MEGF10: variants seen among roughly 807,000 people sequenced by gnomAD.
MEGF10 encodes the protein multiple EGF like domains 10, also known as multiple epidermal growth factor-like domains protein 10.
A neutral mutation model predicts 147.5 loss-of-function variants in MEGF10; 86 were observed. That is an observed-to-expected ratio of 0.58 (90% CI 0.49 to 0.70). MEGF10 has a LOEUF of 0.70. Ranked by LOEUF, MEGF10 falls within the 30% of genes least tolerant of loss-of-function variation. MEGF10 has a pLI of 0.00. For missense variants in MEGF10, 1,329 were observed against 1,487.3 expected (o/e 0.89, Z 1.75); for synonymous variants, 478 against 525.5 (o/e 0.91, Z 1.24).
At position 127,395,536 on chromosome 5, in the gene MEGF10, CTTTTTTTTT is replaced by C. The variant is rs35926205; in HGVS notation, c.413-978_413-970del. ...CAAACACAGATGTTTTGACTGATAT[CTTTTTTTTT>C]TTTTTTTTTTTTTTTTTGAGACGGA... On this transcript the variant is annotated intron_variant, in intron 5 of 24. Coordinates refer to ENST00000503335, the MANE Select transcript of MEGF10 (RefSeq NM_001256545.2). 3.7e-3 allele frequency among the ~76,000 whole-genome samples: 240 copies of C among 65,638 alleles called. 4 individuals are homozygous for C. The highest frequency in any genetic ancestry group is 0.014 in the African/African-American group (223 of 16,066). 43.1% of individuals were successfully genotyped at this position (65,638 alleles called of 152,430 possible).
At position 127,422,864 on chromosome 5, in the gene MEGF10, C is replaced by A; in HGVS notation, c.1693+92C>A. On this transcript the variant is annotated intron_variant, in intron 13 of 24. Coordinates refer to ENST00000503335, the MANE Select transcript of MEGF10 (RefSeq NM_001256545.2). ...TCACTTCACAGAAACACACACCAGT[C>A]AACTTTTCAAAAAAAATGAAAATTC... 6 of 902,656 alleles carry A rather than the reference C, an allele frequency of 6.6e-6. No individual in the cohort carries two copies. The Admixed American group carries it at 7.3e-5, about 11-fold the overall frequency. 55.9% of individuals were successfully genotyped at this position (902,656 alleles called of 1,614,324 possible).
chr5:127,373,434 G>A (rs1580779658), intron 5 of MEGF10, among the ~76,000 whole-genome samples: 1 of 152,200 alleles, frequency 6.6e-6, no homozygotes. Context: ...TTACAGGTGT[G>A]AGCCACTGCG....
intron 1 of MEGF10, among the ~76,000 whole-genome samples, chr5:127,316,535 A>G (rs1008498679): frequency 6.6e-6 from 1 of 152,172 alleles, no homozygotes; most frequent in African/African-American, 2.4e-5. Flanking sequence ...TATTGCAATC[A>G]TTTTGTTTCA....
Position 127,447,668 on chromosome 5 carries a change from G to C in MEGF10, c.2840G>C (p.Arg947Thr). The C allele has an allele frequency of 6.2e-7, 1 of 1,614,134 alleles. No homozygotes were observed. The highest frequency in any genetic ancestry group is 8.5e-7 in the Non-Finnish European group (1 of 1,179,986). The change falls in exon 21 of 25, where the codon AGG becomes ACG. Residue 947 changes from arginine (R) to threonine (T), a missense_variant. Arg to Thr is a moderately conservative substitution (Grantham distance 71). Transcript: ENST00000503335. ...TCCCCTCACGTCAACAACAGGGACA[G>C]GATGACTGTCACGAAGGTGAGAGGA... ...ATSPHVNNRD[R>T]MTVTKSKNNQ... is the part of the protein sequence containing the mutation.
intron 1 of MEGF10, among the ~76,000 whole-genome samples, chr5:127,292,303 A>G (rs1759294737): frequency 6.6e-6 from 1 of 152,234 alleles, no homozygotes; most frequent in African/African-American, 2.4e-5. Context: ...CCACATATGT[A>G]AAATCAAAAT....
chr5:127,333,532 A>T (rs1035608239), intron 2 of MEGF10, among the ~76,000 whole-genome samples: 2 of 152,008 alleles, frequency 1.3e-5, no homozygotes, highest in African/African-American at 4.8e-5. Flanking sequence ...AAATAAAAAT[A>T]AAAAAAGAGA....
the MEGF10 span, among the ~76,000 whole-genome samples, chr5:127,248,934 A>G: frequency 2.0e-5 from 3 of 151,924 alleles, no homozygotes; most frequent in South Asian, 6.2e-4. Flanking sequence ...GTAAACTGAA[A>G]CTATTTGTCC....
At chr5:127,254,913 T>C in the MEGF10 span, among the ~76,000 whole-genome samples, 6 of 151,318 alleles carry the variant, frequency 4.0e-5, no homozygotes, top group Admixed American at 2.6e-4. Flanking sequence ...GAGACAGTGG[T>C]ATTGCAGTAG....
chr5:127,393,123 C>T (rs1452211491), intron 5 of MEGF10, among the ~76,000 whole-genome samples: 2 of 152,168 alleles, frequency 1.3e-5, no homozygotes, highest in Non-Finnish European at 2.9e-5. Flanking sequence ...TATATATTTT[C>T]TAAGTTGTTA....
chr5:127,411,201 G>A (rs1277806307), intron 9 of MEGF10, among the ~76,000 whole-genome samples: 1 of 152,112 alleles, frequency 6.6e-6, no homozygotes, highest in East Asian at 1.9e-4. Flanking sequence ...AGGAAACCAC[G>A]ATCCTACCCA....
At chr5:127,319,553 A>G (rs536854139) in intron 1 of MEGF10, among the ~76,000 whole-genome samples, 2 of 152,352 alleles carry the variant, frequency 1.3e-5, no homozygotes, top group South Asian at 4.1e-4. Flanking sequence ...TGAGGAAATT[A>G]GGAGATGTCA....
At chr5:127,376,466 A>G (rs947469439) in intron 5 of MEGF10, among the ~76,000 whole-genome samples, 2 of 152,166 alleles carry the variant, frequency 1.3e-5, no homozygotes, top group African/African-American at 4.8e-5. Flanking sequence ...CATTCCCAAT[A>G]GAATGAGGAA....
At chr5:127,274,019 G>C in the MEGF10 span, among the ~76,000 whole-genome samples, 1 of 152,148 alleles carries the variant, frequency 6.6e-6, no homozygotes, top group African/African-American at 2.4e-5. Flanking sequence ...CATCATTGTA[G>C]AAAATTCCAC....
chr5:127,297,806 A>T (rs965377022), intron 1 of MEGF10, among the ~76,000 whole-genome samples: 2 of 152,070 alleles, frequency 1.3e-5, no homozygotes, highest in African/African-American at 4.8e-5. Flanking sequence ...GATTAGGGGG[A>T]CCTATTGAGA....
intron 20 of MEGF10, among the ~76,000 whole-genome samples, chr5:127,446,891 A>G (rs1378647173): frequency 6.6e-6 from 1 of 152,164 alleles, no homozygotes; most frequent in Non-Finnish European, 1.5e-5. Context: ...CCAAAGATAA[A>G]AAGCTGGGTT....
At chr5:127,277,702 G>A in the MEGF10 span, among the ~76,000 whole-genome samples, 1 of 152,192 alleles carries the variant, frequency 6.6e-6, no homozygotes, top group South Asian at 2.1e-4. Context: ...TAATTCAGGG[G>A]TAATGATGAA....
upstream of MEGF10, among the ~76,000 whole-genome samples, chr5:127,286,576 A>G (rs577294557): frequency 6.6e-6 from 1 of 152,140 alleles, no homozygotes; most frequent in East Asian, 1.9e-4. Flanking sequence ...ACATGGTTAC[A>G]GTAATTATTA....
the MEGF10 span, among the ~76,000 whole-genome samples, chr5:127,247,302 G>C: frequency 6.2e-5 from 6 of 96,452 alleles, no homozygotes; most frequent in Non-Finnish European, 1.3e-4. Context: ...GGGGGAGAGA[G>C]AGCGAGAGAA....
chr5:127,272,692 T>C, the MEGF10 span, among the ~76,000 whole-genome samples: 2,512 of 152,302 alleles, frequency 0.016, 59 homozygotes, highest in East Asian at 0.086. Flanking sequence ...TTGTGGCAAT[T>C]GTGAATGGAA....
Sources: gnomAD v4.1 joint callset for allele counts (sites outside exome capture counted in the v4.1 genomes callset) on GRCh38, gnomAD v4.1.1 for gene constraint, MANE v1.5 for transcripts, NCBI Gene and HGNC (gene_info 2026-07-23, HGNC 2026-07-21) for gene names.